Variants in SLC5A7 observed in about 807,000 individuals in gnomAD.
The protein encoded by SLC5A7 is high affinity choline transporter 1.
In SLC5A7, 19 loss-of-function variants were observed where a neutral mutation model predicts 55.4. The observed-to-expected ratio is 0.34, with a 90% confidence interval of 0.24 to 0.50. The LOEUF (loss-of-function observed/expected upper bound fraction) is 0.50, where lower values mean the gene tolerates loss of function less well. SLC5A7 is among the 20% of genes least tolerant of loss of function. The pLI, the probability that SLC5A7 is intolerant of heterozygous loss-of-function variation, is 0.98. For synonymous variants in SLC5A7, 265 were observed against 263.7 expected, an observed-to-expected ratio of 1.00 and a Z score of -0.05; for missense variants, 506 against 705.3, an observed-to-expected ratio of 0.72 and a Z score of 3.20.
rs576728987 is a variant in SLC5A7 at position 107,998,932 on chromosome 2, A to T, written c.597+946A>T. On this transcript the variant is annotated intron_variant, in intron 5 of 8. Coordinates refer to ENST00000264047, the MANE Select transcript of SLC5A7 (RefSeq NM_021815.5). ...TTTTGACACTAGACACTTAGAAATTAAAAATGAAGAAGTAATCTCATGCCC... is the reference window on the plus strand; with the variant it reads ...TTTTGACACTAGACACTTAGAAATTTAAAATGAAGAAGTAATCTCATGCCC... Among the ~76,000 whole-genome samples, 37 of 152,318 alleles carry T rather than the reference A, an allele frequency of 2.4e-4. 2 individuals carry two copies. Among genetic ancestry groups the T allele is most frequent in the Admixed American group, 7.2e-4 (11 of 15,282 alleles).
At position 108,008,451 on chromosome 2, in the gene SLC5A7, A is replaced by G. The variant is rs1678200091; in HGVS notation, c.896-14A>G. On this transcript the variant is annotated splice_polypyrimidine_tract_variant and intron_variant, in intron 7 of 8. Transcript: ENST00000264047. ...TCCTTGGTGGTTATAATGGTTGTTG[A>G]TTCTGTTCAACAGACTGGAACCAGA... The G allele has an allele frequency of 6.2e-7, 1 of 1,607,744 alleles. No individual in the cohort carries two copies. Among genetic ancestry groups the G allele is most frequent in the Non-Finnish European group, 8.5e-7 (1 of 1,175,818 alleles).
rs1677244660 is a variant in SLC5A7, at chr2:107,986,584, G to C, written c.-231G>C. Reference sequence around the variant, plus strand: ...CGGCGCCAACACCTGTCAACTCTGCGCGCTCCCAGGTTCTTGGAGACGCCG... The same window carrying C: ...CGGCGCCAACACCTGTCAACTCTGCCCGCTCCCAGGTTCTTGGAGACGCCG... On this transcript the variant is annotated 5_prime_UTR_variant, in exon 1 of 9. Transcript: ENST00000264047. 1.3e-5 allele frequency: 2 copies of C among 152,948 alleles called. No individual in the cohort carries two copies. Among genetic ancestry groups the C allele is most frequent in the Admixed American group, 1.3e-4 (2 of 15,282 alleles). 9.5% of individuals were successfully genotyped at this position (152,948 alleles called of 1,614,324 possible). A position where few individuals can be genotyped will look rare whatever the true frequency, so the allele number is the denominator to read the frequency against.
chr2:108,001,707 G>A (rs1375334022), intron 5 of SLC5A7, among the ~76,000 whole-genome samples, 190 bp from the exon 6 acceptor site: 1 of 151,454 alleles, frequency 6.6e-6, no homozygotes, highest in Non-Finnish European at 1.5e-5. Context: ...AATAGTCAAT[G>A]TGTTATTTTA....
Position 108,011,111 on chromosome 2 carries a change from TAAGTA to T in SLC5A7, c.*255_*259del. The stretch of plus-strand genomic sequence containing the variant: ...AGATAGTTTTGCTAGGTATAAAAAA[TAAGTA>T]AAGTTCCACTTAGAGAACAAAGGGC... On this transcript the variant is annotated 3_prime_UTR_variant, in exon 9 of 9. Coordinates refer to ENST00000264047, the MANE Select transcript of SLC5A7 (RefSeq NM_021815.5). 3.0e-6 allele frequency: 1 copy of T among 333,264 alleles called. No homozygotes were observed. Among genetic ancestry groups the T allele is most frequent in the Non-Finnish European group, 5.3e-6 (1 of 187,390 alleles). 20.6% of individuals were successfully genotyped at this position (333,264 alleles called of 1,614,324 possible). A position where few individuals can be genotyped will look rare whatever the true frequency, so the allele number is the denominator to read the frequency against.
chr2:108,007,639 G>A (rs1041205601), intron 7 of SLC5A7, among the ~76,000 whole-genome samples: 1 of 152,142 alleles, frequency 6.6e-6, no homozygotes, highest in African/African-American at 2.4e-5. Flanking sequence ...AAAGTTGCCT[G>A]CATGTAAGCA....
intron 4 of SLC5A7, among the ~76,000 whole-genome samples, chr2:107,996,049 G>A (rs1371437802): frequency 6.6e-6 from 1 of 152,054 alleles, no homozygotes; most frequent in Non-Finnish European, 1.5e-5. Context: ...TTAAGTGACA[G>A]CATCTACTAG....
At position 108,010,302 on chromosome 2, in the gene SLC5A7, T is replaced by C. The variant is rs556748289; in HGVS notation, c.1184T>C (p.Met395Thr). 6.2e-7 allele frequency: 1 copy of C among 1,613,984 alleles called. No individual in the cohort carries two copies. The highest frequency in any genetic ancestry group is 1.1e-5 in the South Asian group (1 of 91,072). ...GTGTTTGGAGCATCTGCAACAGCCATGGCCTTGCTGACGAAAACTGTGTAT... is the reference window on the plus strand; with the variant it reads ...GTGTTTGGAGCATCTGCAACAGCCACGGCCTTGCTGACGAAAACTGTGTAT... ...VFVFGASATA[M>T]ALLTKTVYGL... is the part of the protein sequence containing the mutation. Residue 395 changes from methionine (M) to threonine (T), a missense_variant, in exon 9 of 9, where the codon ATG (methionine) becomes ACG (threonine). Transcript: ENST00000264047.
At chr2:108,006,246 A>G in intron 7 of SLC5A7, 44 bp downstream of exon 7, 2 of 1,609,054 alleles carry the variant, frequency 1.2e-6, no homozygotes, top group Non-Finnish European at 1.7e-6. Flanking sequence ...TTAGTTTACC[A>G]ATCCCCACCC....
rs1678431290 is a variant in SLC5A7, at chr2:108,013,843, G to A, written c.*2982G>A. 1 of 152,044 alleles carries A rather than the reference G, an allele frequency of 6.6e-6. No homozygotes were observed. Among genetic ancestry groups the A allele is most frequent in the Non-Finnish European group, 1.5e-5 (1 of 67,988 alleles). 9.4% of individuals were successfully genotyped at this position (152,044 alleles called of 1,614,324 possible). A position where few individuals can be genotyped will look rare whatever the true frequency, so the allele number is the denominator to read the frequency against. ...TATCAACAACAAGTTGTTTCAAACA[G>A]CATCAAAATACAACTTCATTGCTAC... On this transcript the variant is annotated 3_prime_UTR_variant, in exon 9 of 9. Coordinates refer to ENST00000264047, the MANE Select transcript of SLC5A7 (RefSeq NM_021815.5).
chr2:107,998,178 A>G (rs1677749657), intron 5 of SLC5A7, among the ~76,000 whole-genome samples, 192 bp downstream of exon 5: 1 of 152,262 alleles, frequency 6.6e-6, no homozygotes, highest in South Asian at 2.1e-4. Flanking sequence ...AAAATTTGAC[A>G]GAAAAGTGTG....
chr2:107,998,044 A>T (rs1159403725), intron 5 of SLC5A7, 58 bp downstream of exon 5: 16 of 1,456,762 alleles, frequency 1.1e-5, no homozygotes, highest in African/African-American at 1.4e-5. Flanking sequence ...AATGTATTTT[A>T]TACTAACTCA....
At position 108,012,046 on chromosome 2, in the gene SLC5A7, A is replaced by G. The variant is rs530785472; in HGVS notation, c.*1185A>G. ...AATGTAGAAGAAAGCAAAAAATAAA[A>G]TAAGTCCTAAAGTGAAGAAGCCATC... On this transcript the variant is annotated 3_prime_UTR_variant, in exon 9 of 9. Transcript: ENST00000264047. 2.0e-5 allele frequency: 3 copies of G among 152,710 alleles called. No homozygotes were observed. The South Asian group carries it at 6.2e-4, about 32-fold the overall frequency. The allele number at this position is 152,710 out of a possible 1,614,324, so 9.5% of individuals were successfully genotyped here. A position where few individuals can be genotyped will look rare whatever the true frequency, so the allele number is the denominator to read the frequency against.
intron 4 of SLC5A7, among the ~76,000 whole-genome samples, chr2:107,995,153 A>G (rs756875361): frequency 3.9e-5 from 6 of 152,190 alleles, no homozygotes; most frequent in Non-Finnish European, 5.9e-5. Flanking sequence ...CACACAGGCT[A>G]TACAGTATAG....
chr2:107,993,154 G>A (rs372652648), intron 4 of SLC5A7, 27 bp downstream of exon 4: 71 of 1,612,748 alleles, frequency 4.4e-5, no homozygotes, highest in Non-Finnish European at 5.9e-5. Context: ...TTGTCTAGCT[G>A]CATCTTTGTA....
chr2:107,986,965 G>T (rs1677267735), intron 1 of SLC5A7, among the ~76,000 whole-genome samples: 1 of 152,130 alleles, frequency 6.6e-6, no homozygotes, highest in African/African-American at 2.4e-5. Flanking sequence ...GGGTAGAGGG[G>T]GCCGAGGAAA....
rs372695865 is a variant in SLC5A7 at position 107,988,351 on chromosome 2, C to T, written c.178+18C>T. The stretch of plus-strand genomic sequence containing the variant: ...CATGACAGGTACGTTCAGACGCCGC[C>T]GGCTCCATGCAGTCCTCCCTTCCTT... On this transcript the variant is annotated intron_variant, in intron 2 of 8. Coordinates refer to ENST00000264047, the MANE Select transcript of SLC5A7 (RefSeq NM_021815.5). 2.6e-5 allele frequency: 41 copies of T among 1,596,134 alleles called. No homozygotes were observed. The African/African-American group carries it at 3.3e-4, about 13-fold the overall frequency.
intron 7 of SLC5A7, among the ~76,000 whole-genome samples, chr2:108,008,065 G>T (rs1678188201): frequency 6.6e-6 from 1 of 152,260 alleles, no homozygotes; most frequent in South Asian, 2.1e-4. Context: ...CCCTACTATT[G>T]TCTTTCTTCA....
intron 8 of SLC5A7, 108 bp from the exon 9 acceptor site, chr2:108,010,124 C>G: frequency 7.4e-7 from 1 of 1,343,722 alleles, no homozygotes; most frequent in Non-Finnish European, 1.0e-6. Context: ...GCCATTTGAA[C>G]CAGGAGAATT....
At chr2:107,988,388 G>A (rs1677327997) in intron 2 of SLC5A7, 55 bp downstream of exon 2, 1 of 1,517,844 alleles carries the variant, frequency 6.6e-7, no homozygotes, top group Non-Finnish European at 9.0e-7. Context: ...GCATCTGTGA[G>A]TGTGCAGCGT....
Sources: allele counts gnomAD v4.1 joint callset (sites outside exome capture counted in the v4.1 genomes callset), GRCh38; gene constraint gnomAD v4.1.1; transcripts MANE v1.5; gene names NCBI Gene and HGNC (gene_info 2026-07-23, HGNC 2026-07-21).